Variants in TOP2B observed in about 807,000 individuals in gnomAD.
TOP2B encodes DNA topoisomerase II beta, also known as DNA topoisomerase 2-beta.
Under a neutral mutation model 193.5 loss-of-function variants are expected in TOP2B, and 51 were observed. The observed-to-expected ratio is 0.26, with a 90% CI of 0.21 to 0.33. TOP2B has a LOEUF of 0.33. Ranked by LOEUF, TOP2B falls within the 10% of genes least tolerant of loss-of-function variation. TOP2B has a pLI of 1.00. For synonymous variants in TOP2B, 634 were observed against 635.7 expected, an observed-to-expected ratio of 1.00 and a Z score of 0.04; for missense variants, 1,378 against 1,909.3, an observed-to-expected ratio of 0.72 and a Z score of 5.19.
chr3:25,645,817 T>G (rs1252092549), intron 1 of TOP2B, among the ~76,000 whole-genome samples: 1 of 152,274 alleles, frequency 6.6e-6, no homozygotes, highest in East Asian at 1.9e-4. Flanking sequence ...TAGAGTGCAA[T>G]GGTGTGATCT....
chr3:25,636,666 A>G (rs1703115128), intron 6 of TOP2B, among the ~76,000 whole-genome samples: 1 of 152,072 alleles, frequency 6.6e-6, no homozygotes, highest in African/African-American at 2.4e-5. Context: ...AACTGCCAAC[A>G]AAATCTCTCA....
intron 19 of TOP2B, 83 bp from the exon 20 acceptor site, chr3:25,624,528 T>C (rs1312744152): frequency 1.4e-5 from 21 of 1,553,136 alleles, no homozygotes; most frequent in Non-Finnish European, 1.8e-5. Context: ...AAAATCCAAG[T>C]GAAGAATAAA....
intron 1 of TOP2B, among the ~76,000 whole-genome samples, chr3:25,646,840 T>G (rs1703427962): frequency 6.6e-6 from 1 of 152,276 alleles, no homozygotes; most frequent in Non-Finnish European, 1.5e-5. Flanking sequence ...ATTTAATATA[T>G]CCTCAGGAAA....
intron 31 of TOP2B, among the ~76,000 whole-genome samples, chr3:25,606,456 A>G (rs1445914471): frequency 6.6e-6 from 1 of 152,126 alleles, no homozygotes; most frequent in Non-Finnish European, 1.5e-5. Flanking sequence ...TCTTAAACCA[A>G]ATTCTACAGT....
chr3:25,658,060 C>CAAAAAAAAAAAAAAAAAAAA (rs1334572390), intron 1 of TOP2B, among the ~76,000 whole-genome samples: 1 of 44,762 alleles, frequency 2.2e-5, no homozygotes, highest in African/African-American at 1.3e-4. Flanking sequence ...GACTCCGTCT[C>CAAAAAAAAAAAAAAAAAAAA]AAAAAAAAAA....
chr3:25,639,247 C>T (rs1365261336), intron 4 of TOP2B, among the ~76,000 whole-genome samples: 2 of 152,186 alleles, frequency 1.3e-5, no homozygotes, highest in East Asian at 1.9e-4. Flanking sequence ...AATTTCAACT[C>T]TAAATAAAGA....
chr3:25,640,940 G>A (rs1703244140), intron 4 of TOP2B, among the ~76,000 whole-genome samples: 1 of 150,912 alleles, frequency 6.6e-6, no homozygotes, highest in African/African-American at 2.5e-5. Flanking sequence ...TGGTGTTTTT[G>A]TTTGTTTGTT....
chr3:25,651,939 C>T (rs1385216693), intron 1 of TOP2B, among the ~76,000 whole-genome samples: 2 of 150,890 alleles, frequency 1.3e-5, no homozygotes, highest in Non-Finnish European at 3.0e-5. Context: ...TAAGATCCAA[C>T]TACAGGTTGT....
At chr3:25,646,477 T>C (rs556026330) in intron 1 of TOP2B, among the ~76,000 whole-genome samples, 1 of 152,306 alleles carries the variant, frequency 6.6e-6, no homozygotes, top group South Asian at 2.1e-4. Flanking sequence ...GGTCTACAAA[T>C]TTCCTTGTCT....
At chr3:25,611,385 T>A (rs565875431) in intron 28 of TOP2B, among the ~76,000 whole-genome samples, 7 of 152,178 alleles carry the variant, frequency 4.6e-5, no homozygotes, top group Admixed American at 2.6e-4. Flanking sequence ...GAAAGGCTAC[T>A]CTGGTGTCAA....
intron 4 of TOP2B, among the ~76,000 whole-genome samples, chr3:25,641,544 T>A (rs1224190944): frequency 2.0e-5 from 3 of 148,556 alleles, no homozygotes; most frequent in East Asian, 2.0e-4. Context: ...GAGAAAAAAA[T>A]AAATAATCTC....
At chr3:25,664,192 A>G (rs1249900806) in intron 1 of TOP2B, 37 bp downstream of exon 1, 1 of 1,537,956 alleles carries the variant, frequency 6.5e-7, no homozygotes, top group Non-Finnish European at 8.7e-7. Context: ...CGGGCCCGGA[A>G]CAATGCAGCC....
In TOP2B at chr3:25,637,268, T is replaced by C; in HGVS notation, c.586A>G (p.Thr196Ala). ...YGAKLCNIFS[T>A]KFTVETACKE... is the part of the protein sequence containing the mutation. ...CAAGCTGTTTCTACTGTAAACTTTG[T>C]ACTGAAAATATTACAAAGTTTTGCA... The change falls in exon 6 of 36, where the codon ACA (threonine) becomes GCA (alanine). Residue 196 changes from threonine to alanine, a missense_variant. This residue lies in a region of TOP2B where 222 missense variants were observed against 306.6 expected (regional missense o/e 0.72). Transcript: ENST00000264331. 1 of 1,560,972 alleles carries C rather than the reference T, an allele frequency of 6.4e-7. No individual in the cohort carries two copies. The highest frequency in any genetic ancestry group is 2.4e-5 in the East Asian group (1 of 42,334).
chr3:25,632,660 T>C (rs1702994423), intron 9 of TOP2B, 33 bp downstream of exon 9: 2 of 1,604,418 alleles, frequency 1.2e-6, no homozygotes, highest in Admixed American at 1.7e-5. Flanking sequence ...TGCATATGTA[T>C]GCATCATGTA....
chr3:25,622,630 A>C (rs1702687611), intron 21 of TOP2B, among the ~76,000 whole-genome samples: 1 of 151,962 alleles, frequency 6.6e-6, no homozygotes, highest in African/African-American at 2.4e-5. Flanking sequence ...ACATAAAAAA[A>C]AAATGGGGAT....
At chr3:25,622,617 CA>C (rs1169077696) in intron 21 of TOP2B, among the ~76,000 whole-genome samples, 2 of 145,044 alleles carry the variant, frequency 1.4e-5, no homozygotes, top group African/African-American at 5.0e-5. Flanking sequence ...AAGAAAACAA[CA>C]AACATAAAAA....
intron 1 of TOP2B, among the ~76,000 whole-genome samples, chr3:25,647,753 T>G (rs535979411): frequency 6.6e-6 from 1 of 152,302 alleles, no homozygotes; most frequent in South Asian, 2.1e-4. Context: ...AAAAAAAAGT[T>G]TGAAAGCTTG....
intron 1 of TOP2B, among the ~76,000 whole-genome samples, chr3:25,650,011 T>C (rs1326915485): frequency 6.6e-6 from 1 of 152,208 alleles, no homozygotes; most frequent in Non-Finnish European, 1.5e-5. Context: ...CAATGCAGTC[T>C]TTTTACATTA....
rs200043349 is a variant in TOP2B at position 25,615,284 on chromosome 3, C to T, written c.3512G>A (p.Arg1171Gln). ...TTTTCTTTTAAGATCATTGACCTCT[C>T]GCCCCTATAATAAAAAAGTACAGTT... ...ELIKQRDAKGREVNDLKRKSP... is the reference protein window; with the variant it reads ...ELIKQRDAKGQEVNDLKRKSP... The change falls in exon 27 of 36, where the codon CGA (arginine) becomes CAA (glutamine). Residue 1171 changes from arginine to glutamine, a missense_variant. Physicochemically the swap from Arg to Gln is conservative, Grantham distance 43. Coordinates refer to ENST00000264331, the MANE Select transcript of TOP2B (RefSeq NM_001330700.2). 1.9e-5 allele frequency: 30 copies of T among 1,609,034 alleles called. No homozygotes were observed. Among genetic ancestry groups the T allele is most frequent in the African/African-American group, 1.7e-4 (13 of 74,646 alleles).
Sources: gnomAD v4.1 joint callset for allele counts (sites outside exome capture counted in the v4.1 genomes callset) on GRCh38, gnomAD v4.1.1 for gene constraint, gnomAD v4.1.1 regional missense constraint, MANE v1.5 for transcripts, NCBI Gene and HGNC (gene_info 2026-07-23, HGNC 2026-07-21) for gene names.